PREX1: variants seen among roughly 807,000 people sequenced by gnomAD.
PREX1 encodes the protein phosphatidylinositol-3,4,5-trisphosphate dependent Rac exchange factor 1.
A neutral mutation model predicts 198.3 loss-of-function variants in PREX1; 41 were observed. The observed-to-expected ratio is 0.21, with a 90% CI of 0.16 to 0.27. The LOEUF (loss-of-function observed/expected upper bound fraction) is 0.27. PREX1 is among the 10% of genes least tolerant of loss of function. The pLI, the probability that PREX1 is intolerant of heterozygous loss-of-function variation, is 1.00. For synonymous variants in PREX1, 843 were observed against 887.2 expected, an observed-to-expected ratio of 0.95 and a Z score of 0.89; for missense variants, 1,620 against 2,200.7, an observed-to-expected ratio of 0.74 and a Z score of 5.28.
rs1004801674 is a variant in PREX1 at position 48,636,452 on chromosome 20, C to T, written c.4167+11G>A. ...GGCCAGCGGGGCCGCCCTCCCGCCC[C>T]ACTCACTCACCACTGTGGCTGGCGA... On this transcript the variant is annotated intron_variant, in intron 32 of 39. Coordinates refer to ENST00000371941, the MANE Select transcript of PREX1 (RefSeq NM_020820.4). 6.3e-7 allele frequency: 1 copy of T among 1,595,174 alleles called. No homozygotes were observed. Among genetic ancestry groups the T allele is most frequent in the Non-Finnish European group, 8.5e-7 (1 of 1,172,882 alleles).
At chr20:48,669,821 A>C (rs2089663239) in intron 14 of PREX1, among the ~76,000 whole-genome samples, 1 of 152,176 alleles carries the variant, frequency 6.6e-6, no homozygotes, top group Admixed American at 6.5e-5. Flanking sequence ...ACTGGAGAGA[A>C]CCACTGAGGA....
intron 29 of PREX1, among the ~76,000 whole-genome samples, chr20:48,640,776 T>G (rs147879377): frequency 6.6e-6 from 1 of 151,554 alleles, no homozygotes; most frequent in African/African-American, 2.4e-5. Flanking sequence ...AATGAATGGG[T>G]AGAAGGGTGA....
the PREX1 span, among the ~76,000 whole-genome samples, chr20:48,887,817 G>T: frequency 9.8e-4 from 149 of 151,946 alleles, no homozygotes; most frequent in African/African-American, 3.4e-3. Context: ...GGGCGTGGTG[G>T]CGGGCTCCTG....
Position 48,637,710 on chromosome 20 carries a change from C to A in PREX1, c.3946+1G>T, listed in dbSNP as rs2089375957. 1.2e-6 allele frequency: 2 copies of A among 1,610,788 alleles called. No individual in the cohort carries two copies. The highest frequency in any genetic ancestry group is 1.7e-5 in the Admixed American group (1 of 59,658). The stretch of plus-strand genomic sequence containing the variant: ...CCCCCACACACCTTTAAAGGCCTCA[C>A]CTGTGCACTTCAGCAAGGCCAGGAG... On this transcript the variant is annotated splice_donor_variant, in intron 31 of 39. Transcript: ENST00000371941. LOFTEE classifies it high-confidence loss of function.
upstream of PREX1, among the ~76,000 whole-genome samples, chr20:48,828,946 G>GCTGCT (rs923079059): frequency 1.3e-5 from 2 of 152,184 alleles, no homozygotes; most frequent in Non-Finnish European, 2.9e-5. Flanking sequence ...CCTAGAGTCA[G>GCTGCT]CTGCTCAGGT....
In PREX1 at chr20:48,684,345, G is replaced by C. The variant is rs538957756; in HGVS notation, c.1335-3010C>G. 2.0e-5 allele frequency among the ~76,000 whole-genome samples: 3 copies of C among 152,102 alleles called. No individual in the cohort carries two copies. The highest frequency in any genetic ancestry group is 4.4e-5 in the Non-Finnish European group (3 of 68,016). Reference sequence around the variant, plus strand: ...GCTCCAAGAGGGTAGGGACTGGGGGGTACCCAGTGGAATACCCATCCCTGT... The same window carrying C: ...GCTCCAAGAGGGTAGGGACTGGGGGCTACCCAGTGGAATACCCATCCCTGT... On this transcript the variant is annotated intron_variant, in intron 10 of 39. Transcript: ENST00000371941. This position sits in a 1 kb window ranked among gnomAD's most constrained non-coding sequence, Gnocchi z 4.2.
intron 6 of PREX1, among the ~76,000 whole-genome samples, chr20:48,702,422 C>T (rs539617400): frequency 2.6e-4 from 39 of 152,336 alleles, no homozygotes; most frequent in Non-Finnish European, 3.8e-4. Flanking sequence ...CCTCAATCCA[C>T]GTCCCTCTTC....
the PREX1 span, among the ~76,000 whole-genome samples, chr20:48,863,589 T>A: frequency 6.9e-6 from 1 of 145,248 alleles, no homozygotes; most frequent in Non-Finnish European, 1.5e-5. Context: ...ATATTGTCTT[T>A]TTTTTTTTTT....
chr20:48,661,023 T>C (rs1301170863), intron 15 of PREX1, among the ~76,000 whole-genome samples: 1 of 152,230 alleles, frequency 6.6e-6, no homozygotes, highest in East Asian at 1.9e-4. Context: ...ACTTGTATTA[T>C]CTGTGGCTGC....
intron 3 of PREX1, among the ~76,000 whole-genome samples, chr20:48,737,191 C>A (rs1241976249): frequency 4.4e-5 from 5 of 113,990 alleles, no homozygotes; most frequent in Admixed American, 1.2e-4. Flanking sequence ...CAGGGTAGGG[C>A]AGTAGGTGGG....
At chr20:48,665,645 T>C (rs2089633972) in intron 15 of PREX1, among the ~76,000 whole-genome samples, 1 of 152,220 alleles carries the variant, frequency 6.6e-6, no homozygotes, top group Admixed American at 6.5e-5. Flanking sequence ...AAAGGGCTGC[T>C]GTATTAAACT....
chr20:48,650,947 T>C lies in PREX1; in HGVS notation c.2764A>G (p.Ile922Val). 2 of 1,614,154 alleles carry C rather than the reference T, an allele frequency of 1.2e-6. No individual in the cohort carries two copies. The highest frequency in any genetic ancestry group is 2.2e-5 in the South Asian group (2 of 91,078). Residue 922 changes from isoleucine to valine, a missense_variant, in exon 23 of 40, where the codon ATC becomes GTC. Ile to Val is a conservative substitution (Grantham distance 29, BLOSUM62 3). Coordinates refer to ENST00000371941, the MANE Select transcript of PREX1 (RefSeq NM_020820.4). ...VTMPHFEFRN[I>V]CDTKLESIGQ... ...ATGCTCTCCAGCTTGGTGTCACAGA[T>C]GTTGCGGAACTCAAAGTGGGGCATG...
rs550768317 is a variant in PREX1, at chr20:48,679,520, G to A, written c.1540-111C>T. On this transcript the variant is annotated intron_variant, in intron 12 of 39. Coordinates refer to ENST00000371941, the MANE Select transcript of PREX1 (RefSeq NM_020820.4). The stretch of plus-strand genomic sequence containing the variant: ...CAGGACGGGGCAGGGCAGGGTAATG[G>A]GGGCAGGGGTGAGTTGTGGGCAGTG... The A allele has an allele frequency of 4.3e-6, 6 of 1,392,112 alleles. No individual in the cohort carries two copies. In the East Asian group the frequency reaches 1.1e-4, roughly 27 times the overall value. The allele number at this position is 1,392,112 out of a possible 1,614,324, so 86.2% of individuals were successfully genotyped here. A position where few individuals can be genotyped will look rare whatever the true frequency, so the allele number is the denominator to read the frequency against.
chr20:48,844,411 T>C, the PREX1 span, among the ~76,000 whole-genome samples: 1 of 152,160 alleles, frequency 6.6e-6, no homozygotes, highest in Non-Finnish European at 1.5e-5. Context: ...ACCCCAAGTT[T>C]GGCCACCATA....
rs1473539746 is a variant in PREX1 at position 48,650,042 on chromosome 20, G to A, written c.2982C>T (p.Ile994=). 6.2e-7 allele frequency: 1 copy of A among 1,614,228 alleles called. No individual in the cohort carries two copies. The highest frequency in any genetic ancestry group is 1.1e-5 in the South Asian group (1 of 91,090). Residue 994 remains isoleucine, a synonymous_variant, in exon 24 of 40, where the codon ATC becomes ATT. Coordinates refer to ENST00000371941, the MANE Select transcript of PREX1 (RefSeq NM_020820.4). ...TTPSVGRSFS[I]RFGRKPSLIG... ...TGAGGGAGGGTTTGCGTCCAAAGCGGATGCTGAAGGACCTGCCCACTGAGG... is the reference window on the plus strand; with the variant it reads ...TGAGGGAGGGTTTGCGTCCAAAGCGAATGCTGAAGGACCTGCCCACTGAGG...
chr20:48,665,410 G>A (rs1040340456), intron 15 of PREX1, among the ~76,000 whole-genome samples: 2 of 149,074 alleles, frequency 1.3e-5, no homozygotes, highest in Non-Finnish European at 3.0e-5. Flanking sequence ...GCCCCAGATG[G>A]CCTGAATTCT....
At chr20:48,738,282 G>C (rs2122739784) in intron 3 of PREX1, among the ~76,000 whole-genome samples, 1 of 152,308 alleles carries the variant, frequency 6.6e-6, no homozygotes, top group South Asian at 2.1e-4. Context: ...GTGCAGGAGA[G>C]GGGGTAACAA....
At chr20:48,689,774 C>T (rs150426330) in intron 9 of PREX1, among the ~76,000 whole-genome samples, 9 of 152,288 alleles carry the variant, frequency 5.9e-5, no homozygotes, top group East Asian at 3.9e-4. Context: ...GTTGGTGCAA[C>T]GTTTAGGATC....
At chr20:48,781,151 T>C (rs547295401) in intron 1 of PREX1, among the ~76,000 whole-genome samples, 49 of 152,254 alleles carry the variant, frequency 3.2e-4, no homozygotes, top group South Asian at 2.7e-3. Flanking sequence ...AAATGCAACA[T>C]GGTGCCCTAG....
Sources: gnomAD v4.1 joint callset for allele counts (sites outside exome capture counted in the v4.1 genomes callset) on GRCh38, gnomAD v4.1.1 for gene constraint, Gnocchi (gnomAD v3.1) non-coding constraint, MANE v1.5 for transcripts, NCBI Gene and HGNC (gene_info 2026-07-23, HGNC 2026-07-21) for gene names.